The following TNIK variants were observed in gnomAD, a reference collection of about 807,000 sequenced individuals.
TNIK encodes the protein TRAF2 and NCK interacting kinase.
Under a neutral mutation model 191.3 loss-of-function variants are expected in TNIK, and 49 were observed. The observed-to-expected ratio is 0.26, with a 90% CI of 0.20 to 0.32. The LOEUF (loss-of-function observed/expected upper bound fraction) is 0.32, where lower values mean the gene tolerates loss of function less well. Among genes scored for constraint, TNIK ranks in the 10% least tolerant of loss-of-function variants. The pLI, the probability that TNIK is intolerant of heterozygous loss-of-function variation, is 1.00. For synonymous variants in TNIK, 594 were observed against 600.9 expected (o/e 0.99, Z 0.17); for missense variants, 1,155 against 1,702.3 (o/e 0.68, Z 5.66).
intron 3 of TNIK, among the ~76,000 whole-genome samples, chr3:171,218,935 T>C (rs1296319518): frequency 7.5e-6 from 1 of 132,932 alleles, no homozygotes; most frequent in African/African-American, 2.8e-5. Context: ...ATATGTTTTA[T>C]ATATATTTAA....
chr3:171,152,535 C>A (rs1335836481), intron 12 of TNIK, among the ~76,000 whole-genome samples: 3 of 152,070 alleles, frequency 2.0e-5, no homozygotes, highest in Admixed American at 6.5e-5. Flanking sequence ...GTGGTGGGAA[C>A]AAGCTTTGCT....
intron 4 of TNIK, among the ~76,000 whole-genome samples, chr3:171,205,390 C>A (rs528048548): frequency 1.4e-3 from 216 of 152,314 alleles, no homozygotes; most frequent in Non-Finnish European, 2.3e-3. Context: ...TCTGCATAGA[C>A]GCGAGTCTGA....
intron 1 of TNIK, among the ~76,000 whole-genome samples, chr3:171,383,249 A>G (rs58671678): frequency 0.016 from 2,448 of 152,278 alleles, 37 homozygotes; most frequent in East Asian, 0.025. Context: ...GGCTGACTAC[A>G]CCTACATGGC....
chr3:171,065,880 T>A (rs114620038), intron 32 of TNIK, among the ~76,000 whole-genome samples: 5 of 152,224 alleles, frequency 3.3e-5, no homozygotes, highest in Admixed American at 6.5e-5. Context: ...AGATGATTAA[T>A]GATGGGCCAA....
chr3:171,240,024 A>G (rs112432270), intron 2 of TNIK, among the ~76,000 whole-genome samples: 12 of 152,322 alleles, frequency 7.9e-5, no homozygotes, highest in African/African-American at 2.2e-4. Context: ...ATGGGAGGGT[A>G]GCTGACTAGT....
At chr3:171,375,851 A>G (rs1717139961) in intron 1 of TNIK, among the ~76,000 whole-genome samples, 2 of 152,278 alleles carry the variant, frequency 1.3e-5, no homozygotes, top group South Asian at 4.2e-4. Context: ...AATGGCCTAC[A>G]CAGACTCTAG....
chr3:171,223,885 T>C (rs1391672610), intron 3 of TNIK, among the ~76,000 whole-genome samples: 1 of 152,158 alleles, frequency 6.6e-6, no homozygotes, highest in Non-Finnish European at 1.5e-5. Flanking sequence ...TCTCCTGTTT[T>C]TGCCCACCCA....
At chr3:171,411,422 AAG>A (rs1200033047) in intron 1 of TNIK, among the ~76,000 whole-genome samples, 5 of 152,186 alleles carry the variant, frequency 3.3e-5, no homozygotes, top group African/African-American at 7.2e-5. Flanking sequence ...AAAATTAAAA[AAG>A]AGTTGCCTTT....
intron 3 of TNIK, among the ~76,000 whole-genome samples, chr3:171,212,793 T>C (rs1466372459): frequency 1.3e-5 from 2 of 152,170 alleles, no homozygotes; most frequent in Non-Finnish European, 2.9e-5. Flanking sequence ...GCATTAGTGA[T>C]GTTAGAAGGA....
intron 2 of TNIK, among the ~76,000 whole-genome samples, chr3:171,255,993 C>T (rs1291333571): frequency 1.3e-5 from 2 of 152,072 alleles, no homozygotes; most frequent in East Asian, 1.9e-4. Context: ...TATAGAACCA[C>T]AGAAACATAT....
chr3:171,209,786 A>G (rs958567010), intron 4 of TNIK, among the ~76,000 whole-genome samples: 25 of 152,084 alleles, frequency 1.6e-4, no homozygotes, highest in African/African-American at 6.0e-4. Flanking sequence ...AAGATTGAGT[A>G]CTCATATTAA....
chr3:171,425,081 C>T (rs543438929), intron 1 of TNIK, among the ~76,000 whole-genome samples: 6 of 152,088 alleles, frequency 3.9e-5, no homozygotes, highest in Admixed American at 6.5e-5. Context: ...ATTCTGAGTT[C>T]GCATAAACTG....
intron 2 of TNIK, among the ~76,000 whole-genome samples, chr3:171,282,279 G>A (rs75100224): frequency 0.06 from 8,992 of 150,308 alleles, 314 homozygotes; most frequent in Middle Eastern, 0.12. Context: ...ACAGCCAGAA[G>A]ATTTTTTTTA....
At chr3:171,065,790 G>T (rs559047583) in intron 32 of TNIK, among the ~76,000 whole-genome samples, 14 of 152,198 alleles carry the variant, frequency 9.2e-5, no homozygotes, top group Non-Finnish European at 1.8e-4. Flanking sequence ...ATTTAAAGGT[G>T]AATATAAGGT....
chr3:171,344,943 A>G (rs1429594846), intron 2 of TNIK, among the ~76,000 whole-genome samples: 1 of 152,126 alleles, frequency 6.6e-6, no homozygotes, highest in Non-Finnish European at 1.5e-5. Flanking sequence ...GTATATATAT[A>G]TCATCTACTT....
At chr3:171,352,800 G>T (rs777335035) in intron 2 of TNIK, among the ~76,000 whole-genome samples, 1 of 152,078 alleles carries the variant, frequency 6.6e-6, no homozygotes, top group Non-Finnish European at 1.5e-5. Flanking sequence ...CTTGGTAAAC[G>T]CCTCCTTCTA....
intron 18 of TNIK, among the ~76,000 whole-genome samples, chr3:171,111,495 A>AAAAG (rs1235921686): frequency 1.3e-5 from 2 of 151,294 alleles, no homozygotes; most frequent in Non-Finnish European, 3.0e-5. Context: ...GGCTGTTTTC[A>AAAAG]AAAGACAAAA....
In TNIK at chr3:171,194,514, T is replaced by G. The variant is rs141160238; in HGVS notation, c.417+11A>C. 1.8e-3 allele frequency: 2,920 copies of G among 1,612,900 alleles called. 44 individuals are homozygous for G. In the African/African-American group the frequency reaches 0.035, roughly 19 times the overall value. On this transcript the variant is annotated intron_variant, in intron 5 of 32. Coordinates refer to ENST00000436636, the MANE Select transcript of TNIK (RefSeq NM_015028.4). ...CTTTGGGAGGTGGGCCAGTCCCCAC[T>G]CGTAACCTACCCGTAAGATTTCCCT...
intron 2 of TNIK, among the ~76,000 whole-genome samples, chr3:171,282,189 C>T (rs1750505762): frequency 6.6e-6 from 1 of 151,998 alleles, no homozygotes. Flanking sequence ...AGGCATTAGT[C>T]CAAGATCTGT....
Sources: gnomAD v4.1 joint callset for allele counts (sites outside exome capture counted in the v4.1 genomes callset) on GRCh38, gnomAD v4.1.1 for gene constraint, MANE v1.5 for transcripts, NCBI Gene and HGNC (gene_info 2026-07-23, HGNC 2026-07-21) for gene names.